The following MYOF variants were observed in gnomAD, a reference collection of about 807,000 sequenced individuals.
MYOF encodes myoferlin.
Under a neutral mutation model 284.2 loss-of-function variants are expected in MYOF, and 244 were observed. The observed-to-expected ratio is 0.86, with a 90% CI of 0.77 to 0.95. The LOEUF is 0.95. Among genes scored for constraint, MYOF ranks in the 40% least tolerant of loss-of-function variants. The pLI, the probability that MYOF is intolerant of heterozygous loss-of-function variation, is 0.00. For synonymous variants in MYOF, 904 were observed against 919.7 expected, an observed-to-expected ratio of 0.98 and a Z score of 0.31; for missense variants, 2,496 against 2,560.6, an observed-to-expected ratio of 0.97 and a Z score of 0.54.
At chr10:93,477,257 C>T (rs551236588) in intron 1 of MYOF, among the ~76,000 whole-genome samples, 8 of 152,024 alleles carry the variant, frequency 5.3e-5, no homozygotes, top group East Asian at 3.9e-4. Context: ...TTTGGGAGGC[C>T]GAGGCGGGTG....
intron 10 of MYOF, 92 bp downstream of exon 10, chr10:93,402,768 T>TC (rs3841653): frequency 4.9e-5 from 54 of 1,100,128 alleles, no homozygotes; most frequent in Admixed American, 6.8e-5. Context: ...AATTCTTTGA[T>TC]CCCCCCCAAA....
intron 7 of MYOF, among the ~76,000 whole-genome samples, chr10:93,406,563 T>TA (rs1554855705): frequency 1.0e-5 from 1 of 95,982 alleles, no homozygotes; most frequent in Non-Finnish European, 2.9e-5. Context: ...TCTTGCCTCC[T>TA]CCCCACCCAT....
chr10:93,424,791 G>A (rs1848507235), intron 5 of MYOF, among the ~76,000 whole-genome samples: 1 of 152,098 alleles, frequency 6.6e-6, no homozygotes, highest in African/African-American at 2.4e-5. Flanking sequence ...AGGCAGGGAG[G>A]GTGCTGCTGC....
chr10:93,347,906 A>C, intron 36 of MYOF, 124 bp from the exon 37 acceptor site: 1 of 955,144 alleles, frequency 1.0e-6, no homozygotes, highest in Non-Finnish European at 1.5e-6. Flanking sequence ...GCAATAGTTC[A>C]GTTACTCATG....
chr10:93,452,549 C>A (rs1278654628), intron 2 of MYOF, among the ~76,000 whole-genome samples: 1 of 105,616 alleles, frequency 9.5e-6, no homozygotes, highest in Non-Finnish European at 1.7e-5. Context: ...ACACTGGGGC[C>A]CGTTGTGGGG....
Position 93,402,285 on chromosome 10 carries a change from T to A in MYOF, c.937A>T (p.Lys313Ter). ...NDPEDTSSGS[K>*]GYMKVSMFVL... ...AACATGCTGACTTTCATATAACCTT[T>A]AGAACCTGAACTGGTATCTTCCGGG... The change falls in exon 11 of 54, where the codon AAA becomes TAA. Residue 313 changes from lysine (K) to a stop codon, truncating the protein, a stop_gained. Transcript: ENST00000359263. LOFTEE classifies it high-confidence loss of function. 6.2e-7 allele frequency: 1 copy of A among 1,614,148 alleles called. No homozygotes were observed. The highest frequency in any genetic ancestry group is 8.5e-7 in the Non-Finnish European group (1 of 1,180,004).
rs776068866 is a variant in MYOF, at chr10:93,310,065, C to T, written c.6102G>A (p.Leu2034=). The change falls in exon 53 of 54, where the codon CTG becomes CTA. Residue 2034 remains leucine (L), a synonymous_variant. Coordinates refer to ENST00000359263, the MANE Select transcript of MYOF (RefSeq NM_013451.4). ...CGGCCACGAAGAGCAGCAGGATAAG[C>T]AGGAACAGCAAGCCGATGATGACCC... ...FKWVIIGLLF[L]LILLLFVAVL... is the part of the protein sequence containing the mutation. The T allele has an allele frequency of 1.2e-6, 2 of 1,613,980 alleles. No individual in the cohort carries two copies. Among genetic ancestry groups the T allele is most frequent in the Admixed American group, 3.3e-5 (2 of 59,996 alleles).
intron 25 of MYOF, 96 bp downstream of exon 25, chr10:93,369,549 T>G: frequency 6.5e-7 from 1 of 1,538,056 alleles, no homozygotes; most frequent in Non-Finnish European, 8.8e-7. Context: ...AGGGCTGTGG[T>G]TGTTTTTGGT....
chr10:93,422,326 C>T lies in MYOF; in HGVS notation c.433+3745G>A, dbSNP rs141093120. Among the ~76,000 whole-genome samples the T allele has an allele frequency of 3.3e-4, 51 of 152,276 alleles. No individual in the cohort carries two copies. In the East Asian group the frequency reaches 9.3e-3, roughly 28 times the overall value. ...GAACTTCCGTGGGAGAGCTGGGCTG[C>T]GCTTGTGCAGTTCCCTGGTGCTGAG... On this transcript the variant is annotated intron_variant, in intron 5 of 53. Transcript: ENST00000359263.
chr10:93,320,835 C>T (rs1049348811), intron 48 of MYOF, among the ~76,000 whole-genome samples: 13 of 152,208 alleles, frequency 8.5e-5, no homozygotes, highest in Middle Eastern at 3.4e-3. Context: ...ACATTAGAAT[C>T]GACTGGGGAC....
At chr10:93,309,251 C>T (rs1043572715) in intron 53 of MYOF, among the ~76,000 whole-genome samples, 3 of 152,196 alleles carry the variant, frequency 2.0e-5, no homozygotes, top group Admixed American at 1.3e-4. Context: ...CCCGTGGCTG[C>T]CTGTTCCCAG....
chr10:93,453,277 T>G (rs2056646451), intron 2 of MYOF, among the ~76,000 whole-genome samples: 1 of 152,146 alleles, frequency 6.6e-6, no homozygotes, highest in Non-Finnish European at 1.5e-5. Flanking sequence ...GCAATTCTCC[T>G]GTCTCAGCCT....
chr10:93,317,074 A>C lies in MYOF; in HGVS notation c.5599-261T>G, dbSNP rs187236433. 3.3e-5 allele frequency among the ~76,000 whole-genome samples: 5 copies of C among 150,192 alleles called. No homozygotes were observed. The Admixed American group carries it at 3.3e-4, about 10-fold the overall frequency. On this transcript the variant is annotated intron_variant, in intron 49 of 53. Coordinates refer to ENST00000359263, the MANE Select transcript of MYOF (RefSeq NM_013451.4). The stretch of plus-strand genomic sequence containing the variant: ...CCTATCAGTGTGACTTCCCGCTGCC[A>C]CCTGGGGGTTGGAGAGTGACTCATC...
intron 5 of MYOF, among the ~76,000 whole-genome samples, chr10:93,411,790 C>T (rs774286222): frequency 5.9e-5 from 9 of 152,230 alleles, no homozygotes; most frequent in Non-Finnish European, 1.3e-4. Flanking sequence ...AGTCAATCAC[C>T]TCTCTTTGCC....
At chr10:93,345,794 T>A (rs991719950) in intron 37 of MYOF, among the ~76,000 whole-genome samples, 4 of 152,226 alleles carry the variant, frequency 2.6e-5, no homozygotes, top group Non-Finnish European at 5.9e-5. Flanking sequence ...ACTGGTTTTA[T>A]GAAAGGACCA....
intron 22 of MYOF, among the ~76,000 whole-genome samples, chr10:93,375,564 G>A (rs1386668190): frequency 1.3e-5 from 2 of 152,260 alleles, no homozygotes; most frequent in Non-Finnish European, 2.9e-5. Flanking sequence ...GTCTTGACCA[G>A]TCACTTACTT....
At position 93,321,789 on chromosome 10, in the gene MYOF, G is replaced by T. The variant is rs1458207477; in HGVS notation, c.5456+1289C>A. Among the ~76,000 whole-genome samples the T allele has an allele frequency of 2.0e-5, 3 of 152,144 alleles. No homozygotes were observed. The East Asian group carries it at 5.8e-4, about 29-fold the overall frequency. ...ACAGCTCCTATAGGTATACGTATTT[G>T]TGTGCATGTATGTATATGTATAGCT... On this transcript the variant is annotated intron_variant, in intron 48 of 53. Transcript: ENST00000359263.
rs775104386 is a variant in MYOF, at chr10:93,306,909, G to A, written c.*54C>T. The A allele has an allele frequency of 1.9e-6, 3 of 1,570,534 alleles. No homozygotes were observed. The highest frequency in any genetic ancestry group is 2.6e-6 in the Non-Finnish European group (3 of 1,141,052). ...AAATCACACTGGATGTTGGTCTACAGAGGCAGGATTCTCTCATTGCTGGAT... is the reference window on the plus strand; with the variant it reads ...AAATCACACTGGATGTTGGTCTACAAAGGCAGGATTCTCTCATTGCTGGAT... On this transcript the variant is annotated 3_prime_UTR_variant, in exon 54 of 54. Transcript: ENST00000359263.
At chr10:93,425,841 G>C in intron 5 of MYOF, 1 of 570,954 alleles carries the variant, frequency 1.8e-6, no homozygotes, top group South Asian at 2.0e-5. Context: ...CTCACCGTGA[G>C]GTTGTTCAGT....
Sources: allele counts gnomAD v4.1 joint callset (sites outside exome capture counted in the v4.1 genomes callset), GRCh38; gene constraint gnomAD v4.1.1; transcripts MANE v1.5; gene names NCBI Gene and HGNC (gene_info 2026-07-23, HGNC 2026-07-21).